The following AKT2 variants were observed in gnomAD, a reference collection of about 807,000 sequenced individuals.
The protein encoded by AKT2 is AKT serine/threonine kinase 2.
A neutral mutation model predicts 58.6 loss-of-function variants in AKT2; 16 were observed. The observed-to-expected ratio is 0.27, with a 90% CI of 0.18 to 0.41. AKT2 has a LOEUF of 0.41. Among genes scored for constraint, AKT2 ranks in the 10% least tolerant of loss-of-function variants. AKT2 has a pLI of 1.00. For synonymous variants in AKT2, 253 were observed against 254.0 expected, an observed-to-expected ratio of 1.00 and a Z score of 0.04; for missense variants, 438 against 661.0, an observed-to-expected ratio of 0.66 and a Z score of 3.70.
At position 40,237,806 on chromosome 19, in the gene AKT2, C is replaced by T. The variant is rs1449818003; in HGVS notation, c.831+163G>A. On this transcript the variant is annotated intron_variant, in intron 9 of 13. Transcript: ENST00000392038. The surrounding 1 kb of genome is among the most constrained non-coding windows in gnomAD (Gnocchi z 4.5). ...GCCTGGTGAATGAGGGCAGCCACCA[C>T]CCTGGACCTTGGTGGGGAGCCTGGC... is the stretch of plus-strand genomic sequence containing the variant. The T allele has an allele frequency of 1.9e-6, 2 of 1,043,126 alleles. No individual in the cohort carries two copies. The highest frequency in any genetic ancestry group is 2.1e-5 in the Admixed American group (1 of 47,418). The allele number at this position is 1,043,126 out of a possible 1,614,324, so 64.6% of individuals were successfully genotyped here.
At chr19:40,273,168 T>C (rs2077246869) in intron 1 of AKT2, among the ~76,000 whole-genome samples, 1 of 151,956 alleles carries the variant, frequency 6.6e-6, no homozygotes, top group Non-Finnish European at 1.5e-5. Context: ...ATGGTGAAAC[T>C]CTGTCTCTAC....
At chr19:40,239,995 T>C (rs1018552230) in intron 7 of AKT2, 50 bp downstream of exon 7, 3 of 1,585,104 alleles carry the variant, frequency 1.9e-6, no homozygotes, top group Admixed American at 1.7e-5. Context: ...CTCTCTGAGC[T>C]CTGTCCAAAG....
chr19:40,269,495 C>T (rs1190942025), intron 1 of AKT2: 5 of 152,200 alleles, frequency 3.3e-5, no homozygotes, highest in Non-Finnish European at 5.9e-5. Flanking sequence ...AGAACCCTTA[C>T]TCATTATTGG....
intron 1 of AKT2, among the ~76,000 whole-genome samples, chr19:40,277,088 A>G (rs908620160): frequency 7.9e-5 from 12 of 152,160 alleles, no homozygotes; most frequent in Admixed American, 1.3e-4. Context: ...TGGGGACCCA[A>G]TGAGATGGCT....
Position 40,238,895 on chromosome 19 carries a change from C to A in AKT2, c.708+10G>T, listed in dbSNP as rs766285582. ...CCCCAGAGGGCAAAGTCAAGGCAGCCGCGGCTCACCTCACCCCCGTTGGCA... is the reference window on the plus strand; with the variant it reads ...CCCCAGAGGGCAAAGTCAAGGCAGCAGCGGCTCACCTCACCCCCGTTGGCA... On this transcript the variant is annotated intron_variant, in intron 8 of 13. Transcript: ENST00000392038. This position sits in a 1 kb window ranked among gnomAD's most constrained non-coding sequence, Gnocchi z 5.1. The A allele has an allele frequency of 3.1e-6, 5 of 1,614,040 alleles. No individual in the cohort carries two copies. Among genetic ancestry groups the A allele is most frequent in the Non-Finnish European group, 4.2e-6 (5 of 1,179,986 alleles).
At chr19:40,248,091 A>G (rs1256043763) in intron 4 of AKT2, among the ~76,000 whole-genome samples, 2 of 152,108 alleles carry the variant, frequency 1.3e-5, no homozygotes, top group African/African-American at 2.4e-5. Context: ...GGGACCTCAC[A>G]GTGGGTGAGA....
At chr19:40,250,545 T>C (rs1045261394) in intron 4 of AKT2, among the ~76,000 whole-genome samples, 1 of 136,618 alleles carries the variant, frequency 7.3e-6, no homozygotes, top group African/African-American at 2.8e-5. Context: ...AGATCACAGA[T>C]GGCCAGGCAC....
At chr19:40,257,619 A>G (rs994701116) in intron 2 of AKT2, among the ~76,000 whole-genome samples, 16 of 149,920 alleles carry the variant, frequency 1.1e-4, no homozygotes, top group Non-Finnish European at 2.4e-4. Context: ...ACACACACAC[A>G]CGAACCCACT....
chr19:40,272,694 G>A (rs963098645), intron 1 of AKT2, among the ~76,000 whole-genome samples: 1 of 152,128 alleles, frequency 6.6e-6, no homozygotes, highest in African/African-American at 2.4e-5. Flanking sequence ...ACCTTATAGG[G>A]CATACTGTCT....
Position 40,230,859 on chromosome 19 carries a change from T to C in AKT2, c.*3013A>G, listed in dbSNP as rs1247557446. The C allele has an allele frequency of 5.3e-6, 1 of 187,580 alleles. No homozygotes were observed. The highest frequency in any genetic ancestry group is 1.1e-5 in the Non-Finnish European group (1 of 89,082). The allele number at this position is 187,580 out of a possible 1,614,324, so 11.6% of individuals were successfully genotyped here. The stretch of plus-strand genomic sequence containing the variant: ...CCTCAGCCTTCCAAGTTAGCTGGGA[T>C]TGCAGGCATGCACCACCATGCCCAG... On this transcript the variant is annotated 3_prime_UTR_variant, in exon 14 of 14. Coordinates refer to ENST00000392038, the MANE Select transcript of AKT2 (RefSeq NM_001626.6).
At position 40,230,963 on chromosome 19, in the gene AKT2, C is replaced by T. The variant is rs1381288200; in HGVS notation, c.*2909G>A. Reference sequence around the variant, plus strand: ...GTCTCGAACCCCTGGCCTCAAGAGACCCGCCCGCCTCGGCCTCCCAAATTG... The same window carrying T: ...GTCTCGAACCCCTGGCCTCAAGAGATCCGCCCGCCTCGGCCTCCCAAATTG... On this transcript the variant is annotated 3_prime_UTR_variant, in exon 14 of 14. Transcript: ENST00000392038. 3 of 192,750 alleles carry T rather than the reference C, an allele frequency of 1.6e-5. No homozygotes were observed. In the East Asian group the frequency reaches 2.5e-4, roughly 16 times the overall value. The allele number at this position is 192,750 out of a possible 1,614,324, so 11.9% of individuals were successfully genotyped here. A position where few individuals can be genotyped will look rare whatever the true frequency, so the allele number is the denominator to read the frequency against.
chr19:40,234,340 C>G lies in AKT2; in HGVS notation c.1367-389G>C, dbSNP rs1046284561. On this transcript the variant is annotated intron_variant, in intron 13 of 13. Coordinates refer to ENST00000392038, the MANE Select transcript of AKT2 (RefSeq NM_001626.6). This position sits in a 1 kb window ranked among gnomAD's most constrained non-coding sequence, Gnocchi z 4.7. The stretch of plus-strand genomic sequence containing the variant: ...CTAAAGGCCTGCTTTAACCCTGTCC[C>G]TCTCTGTATGAAACCCTTCCATGGC... The G allele has an allele frequency of 3.7e-6, 1 of 269,982 alleles. No individual in the cohort carries two copies. Among genetic ancestry groups the G allele is most frequent in the African/African-American group, 2.2e-5 (1 of 45,374 alleles). 16.7% of individuals were successfully genotyped at this position (269,982 alleles called of 1,614,324 possible). A position where few individuals can be genotyped will look rare whatever the true frequency, so the allele number is the denominator to read the frequency against.
intron 1 of AKT2, among the ~76,000 whole-genome samples, chr19:40,271,230 C>A (rs1326348764): frequency 7.1e-6 from 1 of 140,904 alleles, no homozygotes. Context: ...TATATATACA[C>A]ACATATATAT....
chr19:40,257,180 G>C (rs1975599907), intron 2 of AKT2, 126 bp from the exon 3 acceptor site: 1 of 1,283,758 alleles, frequency 7.8e-7, no homozygotes, highest in African/African-American at 1.5e-5. Context: ...AGGTGCGGGG[G>C]ACACACGAGA....
intron 4 of AKT2, chr19:40,244,208 T>G (rs979359315): frequency 3.9e-5 from 6 of 151,900 alleles, no homozygotes; most frequent in African/African-American, 1.5e-4. Flanking sequence ...TTTGGGAGAC[T>G]GAGACGGGAC....
intron 4 of AKT2, among the ~76,000 whole-genome samples, chr19:40,244,923 GA>G (rs1974654331): frequency 6.6e-6 from 1 of 152,192 alleles, no homozygotes; most frequent in Admixed American, 6.5e-5. Flanking sequence ...TGTACCACGC[GA>G]AACTACTTCT....
intron 1 of AKT2, chr19:40,273,340 C>CAAAAAAAAAAA (rs574470407): frequency 8.6e-6 from 1 of 116,848 alleles, no homozygotes. Context: ...GACTCCATCT[C>CAAAAAAAAAAA]AAAAAAAAAA....
Position 40,238,792 on chromosome 19 carries a change from G to T in AKT2, c.708+113C>A. ...CCTGCCTCAAGGGAGAGGGGCACTA[G>T]ATGACACTGAAATTTCCCTCCACCC... is the stretch of plus-strand genomic sequence containing the variant. On this transcript the variant is annotated intron_variant, in intron 8 of 13. Transcript: ENST00000392038. The surrounding 1 kb of genome is among the most constrained non-coding windows in gnomAD (Gnocchi z 5.1). The T allele has an allele frequency of 8.6e-7, 1 of 1,160,180 alleles. No individual in the cohort carries two copies. 71.9% of individuals were successfully genotyped at this position (1,160,180 alleles called of 1,614,324 possible). A position where few individuals can be genotyped will look rare whatever the true frequency, so the allele number is the denominator to read the frequency against.
Position 40,238,212 on chromosome 19 carries a change from G to C in AKT2, c.709-121C>G. 1 of 1,323,316 alleles carries C rather than the reference G, an allele frequency of 7.6e-7. No homozygotes were observed. The highest frequency in any genetic ancestry group is 1.0e-6 in the Non-Finnish European group (1 of 958,820). 82.0% of individuals were successfully genotyped at this position (1,323,316 alleles called of 1,614,324 possible). The stretch of plus-strand genomic sequence containing the variant: ...ACACCTGTATCATGAACCAGCAAGT[G>C]ACAGCTAGAGGGACCAATCAAGGCA... On this transcript the variant is annotated intron_variant, in intron 8 of 13. Coordinates refer to ENST00000392038, the MANE Select transcript of AKT2 (RefSeq NM_001626.6). The surrounding 1 kb of genome is among the most constrained non-coding windows in gnomAD (Gnocchi z 5.1).
Sources: allele counts gnomAD v4.1 joint callset (sites outside exome capture counted in the v4.1 genomes callset), GRCh38; gene constraint gnomAD v4.1.1; non-coding constraint Gnocchi (gnomAD v3.1); transcripts MANE v1.5; gene names NCBI Gene and HGNC (gene_info 2026-07-23, HGNC 2026-07-21).